Variants in TINAG observed in about 807,000 individuals in gnomAD.
The protein encoded by TINAG is tubulointerstitial nephritis antigen.
A neutral mutation model predicts 72.7 loss-of-function variants in TINAG; 83 were observed. The ratio of observed to expected loss-of-function variants is 1.14; its 90% CI spans 0.96 to 1.37. TINAG has a LOEUF of 1.37. Among genes scored for constraint, TINAG ranks in the 40% most tolerant of loss-of-function variants. The pLI is 0.00. For synonymous variants in TINAG, 234 were observed against 189.9 expected (o/e 1.23, Z -1.91); for missense variants, 685 against 576.6 (o/e 1.19, Z -1.93).
chr6:54,380,581 T>A lies in TINAG; in HGVS notation c.1296+10T>A, dbSNP rs763193052. 6.2e-7 allele frequency: 1 copy of A among 1,607,536 alleles called. No homozygotes were observed. The highest frequency in any genetic ancestry group is 2.2e-5 in the East Asian group (1 of 44,612). Reference sequence around the variant, plus strand: ...GAAAGAAAAATTTTGGGTATGTAACTCTTTCCAGTTGAATTCCTGCTGTGA... The same window carrying A: ...GAAAGAAAAATTTTGGGTATGTAACACTTTCCAGTTGAATTCCTGCTGTGA... On this transcript the variant is annotated intron_variant, in intron 10 of 10. Transcript: ENST00000259782.
At chr6:54,324,449 A>G (rs1335750288) in intron 3 of TINAG, among the ~76,000 whole-genome samples, 1 of 152,186 alleles carries the variant, frequency 6.6e-6, no homozygotes, top group Non-Finnish European at 1.5e-5. Context: ...CTTAAAGCTT[A>G]TGCTTGAAAG....
At chr6:54,373,463 A>G (rs1045701256) in intron 9 of TINAG, among the ~76,000 whole-genome samples, 2 of 152,014 alleles carry the variant, frequency 1.3e-5, no homozygotes, top group Non-Finnish European at 2.9e-5. Context: ...TTCTAGTTCT[A>G]ATTTTTATTG....
At position 54,308,630 on chromosome 6, in the gene TINAG, G is replaced by T; in HGVS notation, c.80G>T (p.Arg27Ile). Residue 27 changes from arginine to isoleucine, a missense_variant, in exon 1 of 11, where the codon AGA becomes ATA. Physicochemically the swap from Arg to Ile is moderately conservative, Grantham distance 97. Transcript: ENST00000259782. The part of the protein sequence containing the change: ...IWMEKQYLSQ[R>I]EVDLEAYFTR... ...ATGGAGAAGCAGTATTTATCTCAAA[G>T]AGAAGTGGACCTAGAGGCTTATTTC... The T allele has an allele frequency of 6.2e-7, 1 of 1,613,760 alleles. No homozygotes were observed. The highest frequency in any genetic ancestry group is 2.2e-5 in the East Asian group (1 of 44,866).
At chr6:54,370,550 C>A (rs1392710728) in intron 9 of TINAG, among the ~76,000 whole-genome samples, 1 of 152,024 alleles carries the variant, frequency 6.6e-6, no homozygotes, top group African/African-American at 2.4e-5. Context: ...GTGTACCAGG[C>A]ATCCTGCTAG....
chr6:54,328,792 CT>C (rs1784668909), intron 4 of TINAG, among the ~76,000 whole-genome samples: 1 of 151,610 alleles, frequency 6.6e-6, no homozygotes, highest in African/African-American at 2.4e-5. Context: ...CCTGATGGAG[CT>C]GAAAAAACAC....
chr6:54,307,887 G>C (rs1018095418), upstream of TINAG: 15 of 656,466 alleles, frequency 2.3e-5, no homozygotes, highest in Non-Finnish European at 2.9e-5. Context: ...CAGGGACTCA[G>C]GTGGAGAGAA....
At chr6:54,346,709 A>G (rs1332207189) in intron 5 of TINAG, among the ~76,000 whole-genome samples, 1 of 151,928 alleles carries the variant, frequency 6.6e-6, no homozygotes, top group African/African-American at 2.4e-5. Context: ...CTACTAAAAC[A>G]AGATTAAGAT....
intron 10 of TINAG, among the ~76,000 whole-genome samples, chr6:54,381,491 T>C (rs899407799): frequency 6.6e-6 from 1 of 152,014 alleles, no homozygotes; most frequent in African/African-American, 2.4e-5. Flanking sequence ...TCAGAATGAC[T>C]CTTGGTATAT....
At position 54,320,659 on chromosome 6, in the gene TINAG, G is replaced by A; in HGVS notation, c.419+17G>A. ...CAACTCCTGGTAATAAATTTAAGTGGCACAGAACTGAGTTCTACTGTGTGT... is the reference window on the plus strand; with the variant it reads ...CAACTCCTGGTAATAAATTTAAGTGACACAGAACTGAGTTCTACTGTGTGT... On this transcript the variant is annotated intron_variant, in intron 2 of 10. Coordinates refer to ENST00000259782, the MANE Select transcript of TINAG (RefSeq NM_014464.4). 1 of 1,593,104 alleles carries A rather than the reference G, an allele frequency of 6.3e-7. No homozygotes were observed. The highest frequency in any genetic ancestry group is 8.6e-7 in the Non-Finnish European group (1 of 1,165,158).
intron 9 of TINAG, among the ~76,000 whole-genome samples, chr6:54,377,004 G>T (rs935550219): frequency 3.9e-5 from 6 of 152,078 alleles, no homozygotes; most frequent in Non-Finnish European, 7.4e-5. Context: ...TTCAAAACCA[G>T]CATATTCCCA....
rs140019555 is a variant in TINAG at position 54,354,607 on chromosome 6, G to C, written c.1221G>C (p.Lys407Asn). The part of the protein sequence containing the change: ...STNKESEKYR[K>N]LQTHAVKLTG... ...ATAAAGAATCAGAAAAATATCGAAA[G>C]CTTCAGACACATGCAGTCAAACTCA... Residue 407 changes from lysine to asparagine, a missense_variant, in exon 9 of 11, where the codon AAG becomes AAC. Physicochemically the swap from Lys to Asn is moderately conservative, Grantham distance 94. Coordinates refer to ENST00000259782, the MANE Select transcript of TINAG (RefSeq NM_014464.4). 9,533 of 1,610,538 alleles carry C rather than the reference G, an allele frequency of 5.9e-3. 46 individuals carry two copies. The highest frequency in any genetic ancestry group is 7.0e-3 in the Non-Finnish European group (8,289 of 1,178,100).
chr6:54,369,950 T>C (rs1763554996), intron 9 of TINAG: 1 of 151,998 alleles, frequency 6.6e-6, no homozygotes, highest in African/African-American at 2.4e-5. Flanking sequence ...TACTGAAGAT[T>C]ATCAGAAAAC....
rs145831020 is a variant in TINAG at position 54,309,920 on chromosome 6, G to A, written c.355+1015G>A. On this transcript the variant is annotated intron_variant, in intron 1 of 10. Transcript: ENST00000259782. ...ATCTTGTTTGTAAAATTGAGGAAATGTCTCTTTATGTGTCTACATACGTAT... is the reference window on the plus strand; with the variant it reads ...ATCTTGTTTGTAAAATTGAGGAAATATCTCTTTATGTGTCTACATACGTAT... Among the ~76,000 whole-genome samples, 212 of 150,958 alleles carry A rather than the reference G, an allele frequency of 1.4e-3. 2 individuals are homozygous for A. The highest frequency in any genetic ancestry group is 5.0e-3 in the African/African-American group (205 of 41,282).
chr6:54,366,406 A>T, intron 9 of TINAG, among the ~76,000 whole-genome samples: 1 of 151,680 alleles, frequency 6.6e-6, no homozygotes, highest in East Asian at 1.9e-4. Flanking sequence ...TTTTTTTAAT[A>T]TCTAAAATTA....
chr6:54,355,592 A>G (rs1056318337), intron 9 of TINAG, among the ~76,000 whole-genome samples: 1 of 151,940 alleles, frequency 6.6e-6, no homozygotes, highest in Admixed American at 6.6e-5. Context: ...TGAATCTAAG[A>G]TAATACTAAT....
At chr6:54,386,675 C>T (rs934915526) in intron 10 of TINAG, among the ~76,000 whole-genome samples, 3 of 151,758 alleles carry the variant, frequency 2.0e-5, no homozygotes, top group South Asian at 2.1e-4. Context: ...ATTTGGTCCA[C>T]GAGCCATGGT....
intron 4 of TINAG, among the ~76,000 whole-genome samples, chr6:54,342,451 T>C (rs1785019878): frequency 6.6e-6 from 1 of 151,792 alleles, no homozygotes; most frequent in Non-Finnish European, 1.5e-5. Context: ...CTCTTGCAAT[T>C]TCCACCTCCC....
Position 54,351,513 on chromosome 6 carries a change from C to T in TINAG, c.1126+116C>T, listed in dbSNP as rs145380679. ...AAGAAAATTTTTACTTTAAGAGTAT[C>T]CAAAAGGCTTCAACAGTTCTAAAAT... On this transcript the variant is annotated intron_variant, in intron 8 of 10. Coordinates refer to ENST00000259782, the MANE Select transcript of TINAG (RefSeq NM_014464.4). 1.9e-3 allele frequency: 1,668 copies of T among 881,668 alleles called. 4 individuals carry two copies. Among genetic ancestry groups the T allele is most frequent in the Non-Finnish European group, 2.5e-3 (1,473 of 585,734 alleles). 54.6% of individuals were successfully genotyped at this position (881,668 alleles called of 1,614,324 possible). A position where few individuals can be genotyped will look rare whatever the true frequency, so the allele number is the denominator to read the frequency against.
intron 1 of TINAG, among the ~76,000 whole-genome samples, 180 bp downstream of exon 1, chr6:54,309,085 T>C (rs939885586): frequency 6.6e-6 from 1 of 152,192 alleles, no homozygotes; most frequent in African/African-American, 2.4e-5. Context: ...GTGGGGTTCC[T>C]GTGTAATACA....
Sources: gnomAD v4.1 joint callset for allele counts (sites outside exome capture counted in the v4.1 genomes callset) on GRCh38, gnomAD v4.1.1 for gene constraint, MANE v1.5 for transcripts, NCBI Gene and HGNC (gene_info 2026-07-23, HGNC 2026-07-21) for gene names.